The following BRD1 variants were observed in gnomAD, a reference collection of about 807,000 sequenced individuals.
BRD1 encodes the protein bromodomain containing 1, also known as bromodomain-containing protein 1.
Under a neutral mutation model 107.7 loss-of-function variants are expected in BRD1, and 24 were observed. The ratio of observed to expected loss-of-function variants is 0.22; its 90% CI spans 0.16 to 0.31. BRD1 has a LOEUF of 0.31. Ranked by LOEUF, BRD1 falls within the 10% of genes least tolerant of loss-of-function variation. The probability of loss-of-function intolerance (pLI) is 1.00; values close to 1 mark genes in which losing one functional copy is unlikely to be tolerated. For synonymous variants in BRD1, 744 were observed against 686.1 expected, an observed-to-expected ratio of 1.08 and a Z score of -1.32; for missense variants, 1,279 against 1,638.6, an observed-to-expected ratio of 0.78 and a Z score of 3.79.
intron 7 of BRD1, among the ~76,000 whole-genome samples, chr22:49,788,656 C>T (rs1835594839): frequency 6.6e-6 from 1 of 152,174 alleles, no homozygotes; most frequent in Admixed American, 6.5e-5. Flanking sequence ...GGGCTCTGTG[C>T]ACTGTCCCGA....
intron 8 of BRD1, among the ~76,000 whole-genome samples, chr22:49,781,784 C>T (rs1463827497): frequency 2.0e-5 from 3 of 152,270 alleles, no homozygotes; most frequent in South Asian, 2.1e-4. Flanking sequence ...CTTTTACCAT[C>T]GTTAAAAGAA....
Position 49,824,210 on chromosome 22 carries a change from A to G in BRD1, c.108T>C (p.Ala36=). The part of the protein sequence containing the change: ...PTRETLTYAQ[A]QRMVEIEIEG... ...CAATTTCTATCTCTACCATCCTTTGAGCTTGAGCGTAGGTCAGCGTTTCTC... is the reference window on the plus strand; with the variant it reads ...CAATTTCTATCTCTACCATCCTTTGGGCTTGAGCGTAGGTCAGCGTTTCTC... Residue 36 remains alanine (A), a synonymous_variant, in exon 2 of 13, where the codon GCT becomes GCC. Transcript: ENST00000404760. The surrounding 1 kb of genome is among the most constrained non-coding windows in gnomAD (Gnocchi z 5.9). 1 of 1,613,956 alleles carries G rather than the reference A, an allele frequency of 6.2e-7. No individual in the cohort carries two copies. The highest frequency in any genetic ancestry group is 8.5e-7 in the Non-Finnish European group (1 of 1,180,028).
chr22:49,825,222 T>A (rs2060133619), intron 1 of BRD1, among the ~76,000 whole-genome samples: 1 of 152,008 alleles, frequency 6.6e-6, no homozygotes, highest in South Asian at 2.1e-4. Flanking sequence ...CCAAAGGGAA[T>A]CTCTGTTCTC....
chr22:49,775,826 CCTCCCCA>C, intron 11 of BRD1, 81 bp from the exon 12 acceptor site: 1 of 1,185,926 alleles, frequency 8.4e-7, no homozygotes, highest in Admixed American at 2.7e-5. Context: ...CCCCCCCCCG[CCTCCCCA>C]CCCCAGCTGT....
Position 49,824,805 on chromosome 22 carries a change from G to A in BRD1, c.-14-474C>T, listed in dbSNP as rs1601757904. The A allele has an allele frequency of 2.0e-6, 2 of 1,009,964 alleles. No individual in the cohort carries two copies. The highest frequency in any genetic ancestry group is 4.1e-5 in the South Asian group (1 of 24,428). 62.6% of individuals were successfully genotyped at this position (1,009,964 alleles called of 1,614,324 possible). A position where few individuals can be genotyped will look rare whatever the true frequency, so the allele number is the denominator to read the frequency against. ...CAGTGGCTACCTGGTCCTATCGGAT[G>A]CTCCCCCTAAACCACTCTTCCCCTC... On this transcript the variant is annotated intron_variant, in intron 1 of 12. Transcript: ENST00000404760. The surrounding 1 kb of genome is among the most constrained non-coding windows in gnomAD (Gnocchi z 5.9).
chr22:49,797,011 C>T (rs1337166948), intron 6 of BRD1, among the ~76,000 whole-genome samples: 1 of 152,234 alleles, frequency 6.6e-6, no homozygotes, highest in Non-Finnish European at 1.5e-5. Context: ...GATTTCTGCT[C>T]AGTTTGTGGC....
chr22:49,797,755 T>A, intron 6 of BRD1, 50 bp downstream of exon 6: 1 of 1,529,366 alleles, frequency 6.5e-7, no homozygotes, highest in South Asian at 1.2e-5. Context: ...GGACAGAGTC[T>A]GCTAGAAAGA....
chr22:49,793,989 G>C, intron 7 of BRD1, 45 bp downstream of exon 7: 1 of 1,579,578 alleles, frequency 6.3e-7, no homozygotes, highest in Non-Finnish European at 8.6e-7. Context: ...GCCTGAGCCT[G>C]AGCCGTGACG....
At chr22:49,816,948 C>T (rs1601729825) in intron 2 of BRD1, among the ~76,000 whole-genome samples, 1 of 152,232 alleles carries the variant, frequency 6.6e-6, no homozygotes, top group Admixed American at 6.5e-5. Context: ...CAGGACTTTG[C>T]TATCCATCCG....
At position 49,824,488 on chromosome 22, in the gene BRD1, C is replaced by T. The variant is rs148289268; in HGVS notation, c.-14-157G>A. On this transcript the variant is annotated intron_variant, in intron 1 of 12. Coordinates refer to ENST00000404760, the MANE Select transcript of BRD1 (RefSeq NM_001304808.3). This position sits in a 1 kb window ranked among gnomAD's most constrained non-coding sequence, Gnocchi z 5.9. Reference sequence around the variant, plus strand: ...TCTTTCCAAGGTGTCCAAAACCACACATCCAGGCCTGAGCGAGTCCCCAGG... The same window carrying T: ...TCTTTCCAAGGTGTCCAAAACCACATATCCAGGCCTGAGCGAGTCCCCAGG... The T allele has an allele frequency of 1.4e-6, 2 of 1,437,404 alleles. No homozygotes were observed. Among genetic ancestry groups the T allele is most frequent in the South Asian group, 1.5e-5 (1 of 67,018 alleles). The allele number at this position is 1,437,404 out of a possible 1,614,324, so 89.0% of individuals were successfully genotyped here.
Position 49,824,601 on chromosome 22 carries a change from CCT to C in BRD1, c.-14-272_-14-271del, listed in dbSNP as rs981152152. 6 of 1,274,264 alleles carry C rather than the reference CCT, an allele frequency of 4.7e-6. No homozygotes were observed. In the African/African-American group the frequency reaches 9.1e-5, roughly 19 times the overall value. The allele number at this position is 1,274,264 out of a possible 1,614,324, so 78.9% of individuals were successfully genotyped here. ...CGTCCCTACCACCACACACCAGTCC[CCT>C]CTCAGACCACACCAACAGGCTGCGG... On this transcript the variant is annotated intron_variant, in intron 1 of 12. Transcript: ENST00000404760. The surrounding 1 kb of genome is among the most constrained non-coding windows in gnomAD (Gnocchi z 5.9).
chr22:49,818,774 TA>T (rs2147359220), intron 2 of BRD1, among the ~76,000 whole-genome samples: 1 of 151,974 alleles, frequency 6.6e-6, no homozygotes, highest in South Asian at 2.1e-4. Context: ...TGGTCCCAGC[TA>T]CTCAGGAGGC....
At position 49,803,126 on chromosome 22, in the gene BRD1, C is replaced by T. The variant is rs2059672513; in HGVS notation, c.1524+1078G>A. On this transcript the variant is annotated intron_variant, in intron 3 of 12. Transcript: ENST00000404760. The surrounding 1 kb of genome is among the most constrained non-coding windows in gnomAD (Gnocchi z 4.4). ...GACCCACAAACCACCACCTGCCAGA[C>T]CAGAGCACCAGACTCTGTAGTTCCC... is the stretch of plus-strand genomic sequence containing the variant. Among the ~76,000 whole-genome samples the T allele has an allele frequency of 6.6e-6, 1 of 152,238 alleles. No individual in the cohort carries two copies. The highest frequency in any genetic ancestry group is 1.5e-5 in the Non-Finnish European group (1 of 68,044).
At chr22:49,776,649 C>T (rs2059105073) in intron 10 of BRD1, among the ~76,000 whole-genome samples, 1 of 152,224 alleles carries the variant, frequency 6.6e-6, no homozygotes. Flanking sequence ...GACCCCAAAC[C>T]CTGGGGCCTC....
intron 2 of BRD1, among the ~76,000 whole-genome samples, chr22:49,819,482 G>A (rs1419953175): frequency 1.3e-5 from 2 of 152,118 alleles, no homozygotes; most frequent in East Asian, 1.9e-4. Flanking sequence ...GAGCCCAGGA[G>A]GTCGAGGCTG....
At chr22:49,785,078 C>A (rs566659135) in intron 8 of BRD1, among the ~76,000 whole-genome samples, 1 of 152,248 alleles carries the variant, frequency 6.6e-6, no homozygotes, top group Admixed American at 6.5e-5. Context: ...ACCGTCACCA[C>A]GGGAAGCCCG....
At chr22:49,780,456 A>C (rs752346949) in intron 8 of BRD1, among the ~76,000 whole-genome samples, 1 of 152,154 alleles carries the variant, frequency 6.6e-6, no homozygotes, top group East Asian at 1.9e-4. Context: ...CCGAGACACC[A>C]CCCAGCAGGA....
At chr22:49,787,323 T>C in intron 8 of BRD1, 67 bp downstream of exon 8, 2 of 458,868 alleles carry the variant, frequency 4.4e-6, no homozygotes, top group South Asian at 2.1e-5. Context: ...GTCACACCAA[T>C]GATCCTGAAG....
At chr22:49,778,731 G>A (rs1232096309) in intron 8 of BRD1, among the ~76,000 whole-genome samples, 3 of 152,130 alleles carry the variant, frequency 2.0e-5, no homozygotes, top group Non-Finnish European at 4.4e-5. Flanking sequence ...GCACGATCTT[G>A]GCTCACTGCA....
Sources: gnomAD v4.1 joint callset for allele counts (sites outside exome capture counted in the v4.1 genomes callset) on GRCh38, gnomAD v4.1.1 for gene constraint, Gnocchi (gnomAD v3.1) non-coding constraint, MANE v1.5 for transcripts, NCBI Gene and HGNC (gene_info 2026-07-23, HGNC 2026-07-21) for gene names.